Variants in SYT17 observed in about 807,000 individuals in gnomAD.
The protein encoded by SYT17 is synaptotagmin 17.
A neutral mutation model predicts 46.7 loss-of-function variants in SYT17; 22 were observed. The ratio of observed to expected loss-of-function variants is 0.47; its 90% CI spans 0.34 to 0.67. The LOEUF (loss-of-function observed/expected upper bound fraction) is 0.67, where lower values mean the gene tolerates loss of function less well. Among genes scored for constraint, SYT17 ranks in the 30% least tolerant of loss-of-function variants. The pLI is 0.01. For missense variants in SYT17, 519 were observed against 612.8 expected (o/e 0.85, Z 1.62); for synonymous variants, 251 against 248.4 (o/e 1.01, Z -0.10).
At chr16:19,229,346 A>G (rs1308075743) in intron 7 of SYT17, among the ~76,000 whole-genome samples, 1 of 152,110 alleles carries the variant, frequency 6.6e-6, no homozygotes, top group Non-Finnish European at 1.5e-5. Flanking sequence ...GGCCTCAGGA[A>G]ACGTACAATC....
intron 7 of SYT17, among the ~76,000 whole-genome samples, chr16:19,242,081 G>A (rs906362210): frequency 2.6e-5 from 4 of 152,198 alleles, no homozygotes; most frequent in Admixed American, 2.6e-4. Context: ...ACTAGAATCT[G>A]AGCTCTCAGT....
intron 7 of SYT17, among the ~76,000 whole-genome samples, chr16:19,234,564 G>C (rs1317200009): frequency 6.6e-6 from 1 of 152,168 alleles, no homozygotes; most frequent in African/African-American, 2.4e-5. Context: ...AAATATGATT[G>C]ATGATGATGA....
chr16:19,211,545 G>A (rs1380475223), intron 5 of SYT17: 10 of 693,944 alleles, frequency 1.4e-5, no homozygotes, highest in East Asian at 1.1e-4. Flanking sequence ...TTAATGGGAA[G>A]CTTAGATGAG....
chr16:19,210,865 C>T (rs886204111), intron 5 of SYT17, among the ~76,000 whole-genome samples: 3 of 152,128 alleles, frequency 2.0e-5, no homozygotes, highest in Non-Finnish European at 2.9e-5. Context: ...TGAGAGAGAG[C>T]GAAAGGACCA....
At chr16:19,240,713 G>C (rs1967038491) in intron 7 of SYT17, among the ~76,000 whole-genome samples, 1 of 152,216 alleles carries the variant, frequency 6.6e-6, no homozygotes, top group South Asian at 2.1e-4. Context: ...CCAGAAGCCT[G>C]TCTGTCTCCT....
intron 3 of SYT17, among the ~76,000 whole-genome samples, chr16:19,177,181 T>G (rs1964348019): frequency 6.6e-6 from 1 of 152,084 alleles, no homozygotes; most frequent in African/African-American, 2.4e-5. Context: ...GGAAGATACT[T>G]CTTTTGGTTT....
intron 5 of SYT17, among the ~76,000 whole-genome samples, chr16:19,190,768 CTGTG>C (rs56947560): frequency 0.02 from 2,870 of 144,696 alleles, 34 homozygotes; most frequent in African/African-American, 0.035. Flanking sequence ...AATAATATTC[CTGTG>C]TGTGTGTGTG....
chr16:19,176,905 G>A (rs945251209), intron 3 of SYT17, among the ~76,000 whole-genome samples: 1 of 152,154 alleles, frequency 6.6e-6, no homozygotes. Context: ...CTACATCTAG[G>A]AAGAGCTGGG....
chr16:19,259,166 T>G (rs150659729), intron 7 of SYT17, among the ~76,000 whole-genome samples: 1 of 152,134 alleles, frequency 6.6e-6, no homozygotes, highest in African/African-American at 2.4e-5. Context: ...TGCTGGAGAT[T>G]AAGCGAAATC....
chr16:19,211,518 G>A (rs1209138791), intron 5 of SYT17: 1 of 702,514 alleles, frequency 1.4e-6, no homozygotes, highest in South Asian at 1.5e-5. Context: ...AGGCAGAGGG[G>A]TGTTTTCAAC....
chr16:19,221,757 G>C (rs151072186), intron 5 of SYT17, among the ~76,000 whole-genome samples: 8 of 152,260 alleles, frequency 5.3e-5, no homozygotes, highest in African/African-American at 1.9e-4. Context: ...AGATGATAAA[G>C]ATAGATAATA....
intron 7 of SYT17, among the ~76,000 whole-genome samples, chr16:19,256,235 TC>T (rs927311175): frequency 7.2e-5 from 11 of 151,906 alleles, no homozygotes; most frequent in African/African-American, 2.7e-4. Context: ...TAGGACATCT[TC>T]CCTCCTTATC....
At position 19,252,392 on chromosome 16, in the gene SYT17, T is replaced by C. The variant is rs1326959910; in HGVS notation, c.1229-14488T>C. 5.4e-4 allele frequency among the ~76,000 whole-genome samples: 29 copies of C among 54,116 alleles called. 9 individuals are homozygous for C. The highest frequency in any genetic ancestry group is 0.012 in the Middle Eastern group (2 of 162). The allele number at this position is 54,116 out of a possible 152,430, so 35.5% of individuals were successfully genotyped here. ...ATACATATATATACATATATATATA[T>C]ACATATATATACATATATATATACA... On this transcript the variant is annotated intron_variant, in intron 7 of 7. Coordinates refer to ENST00000355377, the MANE Select transcript of SYT17 (RefSeq NM_016524.4).
intron 5 of SYT17, among the ~76,000 whole-genome samples, chr16:19,205,589 A>G (rs899056554): frequency 3.9e-5 from 6 of 152,096 alleles, no homozygotes; most frequent in African/African-American, 1.2e-4. Flanking sequence ...ACAGGCATGT[A>G]CCACCACACC....
intron 5 of SYT17, among the ~76,000 whole-genome samples, chr16:19,209,997 G>A (rs1472703676): frequency 6.6e-6 from 1 of 152,104 alleles, no homozygotes; most frequent in East Asian, 1.9e-4. Flanking sequence ...TGTTGTATGT[G>A]AACATTTATA....
At chr16:19,172,284 C>A in intron 1 of SYT17, 1 of 1,230,424 alleles carries the variant, frequency 8.1e-7, no homozygotes, top group Non-Finnish European at 1.0e-6. Context: ...ACCATTGGAG[C>A]AGAATTGGAA....
In SYT17 at chr16:19,183,603, A is replaced by C. The variant is rs1414419612; in HGVS notation, c.407A>C (p.Lys136Thr). ...GAGTTTGGCGTTCTCAGCGCCAAGA[A>C]GGAGCCCATCCAACCTTCGGTGCTC... is the stretch of plus-strand genomic sequence containing the variant. The part of the protein sequence containing the change: ...PIEFGVLSAK[K>T]EPIQPSVLRR... The change falls in exon 5 of 8, where the codon AAG becomes ACG. Residue 136 changes from lysine to threonine, a missense_variant. By Grantham distance (78) the Lys-to-Thr change is moderately conservative (BLOSUM62 -1). Coordinates refer to ENST00000355377, the MANE Select transcript of SYT17 (RefSeq NM_016524.4). This position sits in a 1 kb window ranked among gnomAD's most constrained non-coding sequence, Gnocchi z 5.6. 23 of 1,614,110 alleles carry C rather than the reference A, an allele frequency of 1.4e-5. No individual in the cohort carries two copies. The highest frequency in any genetic ancestry group is 1.6e-5 in the Non-Finnish European group (19 of 1,180,042).
chr16:19,190,937 TTG>T (rs1241960855), intron 5 of SYT17, among the ~76,000 whole-genome samples: 3 of 152,152 alleles, frequency 2.0e-5, no homozygotes, highest in Non-Finnish European at 4.4e-5. Flanking sequence ...AGATGGCTTT[TTG>T]ACCAACTGTG....
At chr16:19,203,715 A>G (rs1468878199) in intron 5 of SYT17, among the ~76,000 whole-genome samples, 1 of 152,210 alleles carries the variant, frequency 6.6e-6, no homozygotes, top group African/African-American at 2.4e-5. Context: ...CCAATGCAGC[A>G]CCTTTGCCTG....
Sources: allele counts gnomAD v4.1 joint callset (sites outside exome capture counted in the v4.1 genomes callset), GRCh38; gene constraint gnomAD v4.1.1; non-coding constraint Gnocchi (gnomAD v3.1); transcripts MANE v1.5; gene names NCBI Gene and HGNC (gene_info 2026-07-23, HGNC 2026-07-21).